The following OCA2 variants were observed in gnomAD, a reference collection of about 807,000 sequenced individuals.
OCA2 encodes OCA2 melanosomal transmembrane protein.
In OCA2, 77 loss-of-function variants were observed where a neutral mutation model predicts 100.2. That is an observed-to-expected ratio of 0.77 (90% CI 0.64 to 0.93). The LOEUF is 0.93. Among genes scored for constraint, OCA2 ranks in the 40% least tolerant of loss-of-function variants. OCA2 has a pLI of 0.00. For missense variants in OCA2, 1,062 were observed against 1,089.1 expected, an observed-to-expected ratio of 0.98 and a Z score of 0.35; for synonymous variants, 432 against 439.2, an observed-to-expected ratio of 0.98 and a Z score of 0.21.
At chr15:28,023,615 C>T (rs187987477) in intron 5 of OCA2, among the ~76,000 whole-genome samples, 1 of 152,146 alleles carries the variant, frequency 6.6e-6, no homozygotes, top group East Asian at 1.9e-4. Context: ...CTCAGACCCA[C>T]CCTTGCCCAC....
the OCA2 span, among the ~76,000 whole-genome samples, chr15:27,739,400 G>A: frequency 6.7e-6 from 1 of 149,280 alleles, no homozygotes; most frequent in Non-Finnish European, 1.5e-5. Context: ...ACTGCCTGCT[G>A]ATCATTACAC....
At chr15:28,001,071 T>A (rs2041910240) in intron 9 of OCA2, among the ~76,000 whole-genome samples, 3 of 152,064 alleles carry the variant, frequency 2.0e-5, no homozygotes, top group Admixed American at 2.0e-4. Context: ...TAAAAATAGA[T>A]CTACCATATG....
At chr15:27,895,542 T>C (rs541521234) in intron 19 of OCA2, among the ~76,000 whole-genome samples, 2 of 152,310 alleles carry the variant, frequency 1.3e-5, no homozygotes, top group African/African-American at 4.8e-5. Context: ...CAAAGGTGAC[T>C]CTTCTTATGT....
intron 23 of OCA2, among the ~76,000 whole-genome samples, chr15:27,799,740 G>A (rs897310067): frequency 2.4e-4 from 25 of 104,610 alleles, no homozygotes; most frequent in African/African-American, 7.3e-4. Flanking sequence ...GCAAGACTCC[G>A]TCTAAAAAAA....
the OCA2 span, among the ~76,000 whole-genome samples, chr15:27,730,732 A>AATATATTTTT: frequency 1.1e-4 from 11 of 102,010 alleles, no homozygotes; most frequent in African/African-American, 3.6e-4. Flanking sequence ...AAAAAGACCA[A>AATATATTTTT]ATATATATAT....
chr15:27,895,854 T>C (rs567146549), intron 19 of OCA2: 5 of 543,162 alleles, frequency 9.2e-6, no homozygotes, highest in Non-Finnish European at 1.3e-5. Context: ...AAATACAGGA[T>C]GATAGTTTGT....
intron 2 of OCA2, among the ~76,000 whole-genome samples, chr15:28,040,270 G>A (rs1295694157): frequency 6.6e-6 from 1 of 152,166 alleles, no homozygotes; most frequent in Admixed American, 6.5e-5. Flanking sequence ...GGCATTTTGT[G>A]ATGGCAATTC....
Position 27,828,606 on chromosome 15 carries a change from C to T in OCA2, c.2432+16353G>A, listed in dbSNP as rs557660954. 4.0e-4 allele frequency among the ~76,000 whole-genome samples: 61 copies of T among 152,226 alleles called. 1 individual carries two copies. The highest frequency in any genetic ancestry group is 1.4e-3 in the African/African-American group (59 of 41,526). On this transcript the variant is annotated intron_variant, in intron 23 of 23. Transcript: ENST00000354638. Reference sequence around the variant, plus strand: ...TGAGTGTAGCTAGAGAGTCCCATGGCCGAGACAAATACAGTAAAAATCACA... The same window carrying T: ...TGAGTGTAGCTAGAGAGTCCCATGGTCGAGACAAATACAGTAAAAATCACA...
At chr15:27,949,923 T>C (rs1413906367) in intron 18 of OCA2, among the ~76,000 whole-genome samples, 2 of 152,234 alleles carry the variant, frequency 1.3e-5, no homozygotes, top group South Asian at 2.1e-4. Flanking sequence ...TAAAATCACC[T>C]GAACACAAGC....
chr15:27,824,602 C>CTATATATATATATATATATATA (rs142689690), intron 23 of OCA2, among the ~76,000 whole-genome samples: 2 of 47,540 alleles, frequency 4.2e-5, no homozygotes, highest in African/African-American at 1.6e-4. Flanking sequence ...CTCTCTCTCT[C>CTATATATATATATATATATATA]TATATATATA....
At chr15:27,929,769 T>C (rs1031913306) in intron 18 of OCA2, among the ~76,000 whole-genome samples, 1 of 114,434 alleles carries the variant, frequency 8.7e-6, no homozygotes, top group Non-Finnish European at 2.0e-5. Flanking sequence ...AGAATATATA[T>C]ATATAAATTT....
intron 15 of OCA2, among the ~76,000 whole-genome samples, chr15:27,962,871 G>A (rs11074314): frequency 0.75 from 113,331 of 152,046 alleles, 43,598 homozygotes; most frequent in East Asian, 1. Context: ...TAAAAAATCA[G>A]GATGCTAATA....
chr15:27,928,167 T>C (rs937098409), intron 18 of OCA2, among the ~76,000 whole-genome samples: 3 of 152,158 alleles, frequency 2.0e-5, no homozygotes, highest in Non-Finnish European at 4.4e-5. Context: ...GTTCTGGTTA[T>C]ATTTTTCCTT....
intron 14 of OCA2, among the ~76,000 whole-genome samples, chr15:27,971,619 G>A (rs1346525523): frequency 6.6e-6 from 1 of 152,148 alleles, no homozygotes; most frequent in Non-Finnish European, 1.5e-5. Flanking sequence ...TCCACCGACA[G>A]AGAGTTATCC....
At chr15:27,767,177 G>A (rs930564106) in intron 23 of OCA2, among the ~76,000 whole-genome samples, 1 of 152,182 alleles carries the variant, frequency 6.6e-6, no homozygotes, top group Non-Finnish European at 1.5e-5. Flanking sequence ...GCTACAGATG[G>A]TCTTACAAAT....
rs201692259 is a variant in OCA2 at position 27,940,572 on chromosome 15, G to C, written c.1951+11212C>G. Among the ~76,000 whole-genome samples, 24 of 150,320 alleles carry C rather than the reference G, an allele frequency of 1.6e-4. No individual in the cohort carries two copies. In the East Asian group the frequency reaches 4.7e-3, roughly 30 times the overall value. On this transcript the variant is annotated intron_variant, in intron 18 of 23. Transcript: ENST00000354638. ...GCACTAAAGATGTCACCAAGAAAAA[G>C]TGTGGTTGTGTCAAGCTTCCAAGAC...
chr15:28,015,566 G>A (rs2042365227), intron 8 of OCA2, among the ~76,000 whole-genome samples: 1 of 152,162 alleles, frequency 6.6e-6, no homozygotes. Context: ...CATACAAGGA[G>A]AGATGAGAAG....
intron 15 of OCA2, among the ~76,000 whole-genome samples, chr15:27,959,865 C>A (rs2040352877): frequency 6.6e-6 from 1 of 152,224 alleles, no homozygotes; most frequent in Non-Finnish European, 1.5e-5. Flanking sequence ...CGCATTAATA[C>A]TCAGGTAGTA....
chr15:27,948,778 T>C (rs1043021670), intron 18 of OCA2, among the ~76,000 whole-genome samples: 1 of 152,240 alleles, frequency 6.6e-6, no homozygotes, highest in African/African-American at 2.4e-5. Context: ...ACATGAACCA[T>C]TGATGCACAC....
Sources: allele counts gnomAD v4.1 joint callset (sites outside exome capture counted in the v4.1 genomes callset), GRCh38; gene constraint gnomAD v4.1.1; transcripts MANE v1.5; gene names NCBI Gene and HGNC (gene_info 2026-07-23, HGNC 2026-07-21).